OR4K17: variants seen among roughly 807,000 people sequenced by gnomAD.
OR4K17 encodes the protein olfactory receptor family 4 subfamily K member 17.
For missense variants in OR4K17, 480 were observed against 366.3 expected, an observed-to-expected ratio of 1.31 and a Z score of -2.53; for synonymous variants, 157 against 132.8, an observed-to-expected ratio of 1.18 and a Z score of -1.25.
intron 1 of OR4K17, among the ~76,000 whole-genome samples, chr14:20,113,769 T>C (rs1222657160): frequency 1.3e-5 from 2 of 151,986 alleles, no homozygotes; most frequent in African/African-American, 4.8e-5. Context: ...CTTTATACTT[T>C]GTGTTGCTCC....
chr14:20,113,402 G>C (rs937904570), intron 1 of OR4K17, among the ~76,000 whole-genome samples: 1 of 151,990 alleles, frequency 6.6e-6, no homozygotes, highest in Non-Finnish European at 1.5e-5. Context: ...TTAATTTGGT[G>C]TCATGAAGTC....
rs1169494657 is a variant in OR4K17, at chr14:20,121,496, A to G, written c.*3058A>G. On this transcript the variant is annotated 3_prime_UTR_variant, in exon 2 of 2. Transcript: ENST00000641386. Reference sequence around the variant, plus strand: ...AAAACATAAAATGTGTGGGGGAGGTAGAATAAAAGTGTAGACTTTTTAAAT... The same window carrying G: ...AAAACATAAAATGTGTGGGGGAGGTGGAATAAAAGTGTAGACTTTTTAAAT... The G allele has an allele frequency of 6.6e-6, 1 of 152,202 alleles. No homozygotes were observed. The highest frequency in any genetic ancestry group is 1.9e-4 in the East Asian group (1 of 5,200). 9.4% of individuals were successfully genotyped at this position (152,202 alleles called of 1,614,324 possible).
In OR4K17 at chr14:20,118,491, C is replaced by A. The variant is rs10140123; in HGVS notation, c.*53C>A. On this transcript the variant is annotated 3_prime_UTR_variant, in exon 2 of 2. Coordinates refer to ENST00000641386, the MANE Select transcript of OR4K17 (RefSeq NM_001004715.5). Reference sequence around the variant, plus strand: ...CATGGTGGCTGATGCCTGTAATCCCCACACTTTGGGAGGAATATCAGGGGA... The same window carrying A: ...CATGGTGGCTGATGCCTGTAATCCCAACACTTTGGGAGGAATATCAGGGGA... 0.43 allele frequency: 442,004 copies of A among 1,018,566 alleles called. 98,265 individuals carry two copies. Among genetic ancestry groups the A allele is most frequent in the East Asian group, 0.57 (23,241 of 40,632 alleles). The allele number at this position is 1,018,566 out of a possible 1,614,324, so 63.1% of individuals were successfully genotyped here.
At chr14:20,116,328 T>TCA (rs1208812734) in intron 1 of OR4K17, among the ~76,000 whole-genome samples, 111 of 152,088 alleles carry the variant, frequency 7.3e-4, no homozygotes, top group African/African-American at 2.6e-3. Context: ...ATAATCTGTC[T>TCA]CACACACACA....
In OR4K17 at chr14:20,121,556, G is replaced by A. The variant is rs1231716452; in HGVS notation, c.*3118G>A. The A allele has an allele frequency of 6.6e-6, 1 of 152,000 alleles. No homozygotes were observed. 9.4% of individuals were successfully genotyped at this position (152,000 alleles called of 1,614,324 possible). A position where few individuals can be genotyped will look rare whatever the true frequency, so the allele number is the denominator to read the frequency against. ...GTTAGGTATTTATTCACTTAAAATA[G>A]TCTATGATAACCATAAGATGTGTTA... On this transcript the variant is annotated 3_prime_UTR_variant, in exon 2 of 2. Coordinates refer to ENST00000641386, the MANE Select transcript of OR4K17 (RefSeq NM_001004715.5).
chr14:20,117,567 TAG>T lies in OR4K17; in HGVS notation c.71_72del (p.Glu24ValfsTer18), dbSNP rs1245026193. On this transcript the variant is annotated frameshift_variant, in exon 2 of 2. Coordinates refer to ENST00000641386, the MANE Select transcript of OR4K17 (RefSeq NM_001004715.5). LOFTEE classifies it low-confidence loss of function (END_TRUNC). ...CTGGGACTGACCAGCTCCCAGGATG[TAG>T]AGTTTCTTCTCTTTGCCCTCTTCTC... 1 of 1,614,026 alleles carries T rather than the reference TAG, an allele frequency of 6.2e-7. No homozygotes were observed. The highest frequency in any genetic ancestry group is 8.5e-7 in the Non-Finnish European group (1 of 1,179,990).
At chr14:20,113,734 T>C (rs1877929422) in intron 1 of OR4K17, among the ~76,000 whole-genome samples, 1 of 152,030 alleles carries the variant, frequency 6.6e-6, no homozygotes, top group African/African-American at 2.4e-5. Flanking sequence ...GGAGTGACTA[T>C]ATCATAATGG....
In OR4K17 at chr14:20,121,790, G is replaced by T. The variant is rs1338581497; in HGVS notation, c.*3352G>T. 1 of 152,034 alleles carries T rather than the reference G, an allele frequency of 6.6e-6. No homozygotes were observed. Among genetic ancestry groups the T allele is most frequent in the Non-Finnish European group, 1.5e-5 (1 of 67,968 alleles). 9.4% of individuals were successfully genotyped at this position (152,034 alleles called of 1,614,324 possible). A position where few individuals can be genotyped will look rare whatever the true frequency, so the allele number is the denominator to read the frequency against. On this transcript the variant is annotated 3_prime_UTR_variant, in exon 2 of 2. Transcript: ENST00000641386. ...AAAATGGAGGTACTAAGCACAGTCA[G>T]TTTTCTGGCATATCCATAGGTTTTA...
intron 1 of OR4K17, among the ~76,000 whole-genome samples, chr14:20,112,842 A>G (rs1230043081): frequency 1.3e-5 from 2 of 152,110 alleles, no homozygotes; most frequent in African/African-American, 4.8e-5. Context: ...CAGATAATAT[A>G]CAAATGTATG....
rs189914868 is a variant in OR4K17, at chr14:20,111,804, C to T, written c.-33+912C>T. 3.3e-5 allele frequency: 5 copies of T among 152,108 alleles called. No individual in the cohort carries two copies. The East Asian group carries it at 7.7e-4, about 24-fold the overall frequency. The allele number at this position is 152,108 out of a possible 1,614,324, so 9.4% of individuals were successfully genotyped here. On this transcript the variant is annotated intron_variant, in intron 1 of 1. Transcript: ENST00000641386. ...ACACCTGTTAAGAGCCCATATACAG[C>T]CAGAAATTAGAAGATTACTAGGATT...
rs1594196044 is a variant in OR4K17 at position 20,117,902 on chromosome 14, A to C, written c.403A>C (p.Ile135Leu). The C allele has an allele frequency of 6.2e-7, 1 of 1,614,072 alleles. No homozygotes were observed. Among genetic ancestry groups the C allele is most frequent in the East Asian group, 2.2e-5 (1 of 44,878 alleles). The change falls in exon 2 of 2, where the codon ATC (isoleucine) becomes CTC (leucine). Residue 135 changes from isoleucine (I) to leucine (L), a missense_variant. By Grantham distance (5) the Ile-to-Leu change is conservative (BLOSUM62 2). Coordinates refer to ENST00000641386, the MANE Select transcript of OR4K17 (RefSeq NM_001004715.5). ...TTGTAAGCCCCTACACTACATGACC[A>C]TCATGAACAAGAAGGTATGTGTTTT... ...AICKPLHYMT[I>L]MNKKVCVLLV...
chr14:20,119,856 G>T lies in OR4K17; in HGVS notation c.*1418G>T, dbSNP rs1430796505. 1 of 151,964 alleles carries T rather than the reference G, an allele frequency of 6.6e-6. No homozygotes were observed. Among genetic ancestry groups the T allele is most frequent in the African/African-American group, 2.4e-5 (1 of 41,370 alleles). 9.4% of individuals were successfully genotyped at this position (151,964 alleles called of 1,614,324 possible). Reference sequence around the variant, plus strand: ...CCATCTTAAAATAATAATAATAATAGTAGCAGAGAAACAATAATTTTTTAT... The same window carrying T: ...CCATCTTAAAATAATAATAATAATATTAGCAGAGAAACAATAATTTTTTAT... On this transcript the variant is annotated 3_prime_UTR_variant, in exon 2 of 2. Coordinates refer to ENST00000641386, the MANE Select transcript of OR4K17 (RefSeq NM_001004715.5).
In OR4K17 at chr14:20,117,292, G is replaced by A. The variant is rs1295020445; in HGVS notation, c.-32-176G>A. The A allele has an allele frequency of 8.6e-6, 6 of 696,820 alleles. No individual in the cohort carries two copies. The African/African-American group carries it at 1.1e-4, about 13-fold the overall frequency. 43.2% of individuals were successfully genotyped at this position (696,820 alleles called of 1,614,324 possible). On this transcript the variant is annotated intron_variant, in intron 1 of 1. Coordinates refer to ENST00000641386, the MANE Select transcript of OR4K17 (RefSeq NM_001004715.5). Reference sequence around the variant, plus strand: ...ATCAATAGGTCATTGCTCTTTTATGGAAGTGGACAGCTCAGACTATACGTC... The same window carrying A: ...ATCAATAGGTCATTGCTCTTTTATGAAAGTGGACAGCTCAGACTATACGTC...
Position 20,118,195 on chromosome 14 carries a change from G to A in OR4K17, c.696G>A (p.Gly232=), listed in dbSNP as rs781107878. The change falls in exon 2 of 2, where the codon GGG becomes GGA. Residue 232 remains glycine (G), a synonymous_variant. Coordinates refer to ENST00000641386, the MANE Select transcript of OR4K17 (RefSeq NM_001004715.5). ...LITIKNHSPT[G]QSKARSTLTA... ...CCATTAAGAACCACTCTCCTACTGG[G>A]CAATCTAAAGCCCGTTCCACTTTGA... 1 of 1,614,002 alleles carries A rather than the reference G, an allele frequency of 6.2e-7. No homozygotes were observed. The highest frequency in any genetic ancestry group is 8.5e-7 in the Non-Finnish European group (1 of 1,179,900).
intron 1 of OR4K17, among the ~76,000 whole-genome samples, chr14:20,111,261 A>G (rs1410373512): frequency 6.6e-6 from 1 of 151,818 alleles, no homozygotes; most frequent in Non-Finnish European, 1.5e-5. Flanking sequence ...GGAAGACAGA[A>G]GTATATATAA....
intron 1 of OR4K17, among the ~76,000 whole-genome samples, chr14:20,117,137 G>A (rs770792132): frequency 2.0e-5 from 3 of 152,112 alleles, no homozygotes; most frequent in Non-Finnish European, 4.4e-5. Flanking sequence ...GTTCTCCAAG[G>A]AATTCAGACT....
At chr14:20,113,739 T>C (rs562451358) in intron 1 of OR4K17, among the ~76,000 whole-genome samples, 2 of 152,126 alleles carry the variant, frequency 1.3e-5, no homozygotes, top group East Asian at 1.9e-4. Context: ...GACTATATCA[T>C]AATGGCCTTC....
In OR4K17 at chr14:20,118,579, G is replaced by C. The variant is rs780740745; in HGVS notation, c.*141G>C. ...TTTCCCTAAGTGTTGACTGGTCTGA[G>C]AAATAAAGGGAAAGAATACAAAAGA... On this transcript the variant is annotated 3_prime_UTR_variant, in exon 2 of 2. Coordinates refer to ENST00000641386, the MANE Select transcript of OR4K17 (RefSeq NM_001004715.5). 1.8e-6 allele frequency: 1 copy of C among 564,738 alleles called. No homozygotes were observed. The highest frequency in any genetic ancestry group is 3.1e-6 in the Non-Finnish European group (1 of 325,650). 35.0% of individuals were successfully genotyped at this position (564,738 alleles called of 1,614,324 possible). A position where few individuals can be genotyped will look rare whatever the true frequency, so the allele number is the denominator to read the frequency against.
intron 1 of OR4K17, 51 bp from the exon 2 acceptor site, chr14:20,117,417 A>G: frequency 6.3e-7 from 1 of 1,582,220 alleles, no homozygotes; most frequent in South Asian, 1.2e-5. Flanking sequence ...ATGGCTCTTT[A>G]TTTTTCACTC....
Sources: gnomAD v4.1 joint callset for allele counts (sites outside exome capture counted in the v4.1 genomes callset) on GRCh38, gnomAD v4.1.1 for gene constraint, MANE v1.5 for transcripts, NCBI Gene and HGNC (gene_info 2026-07-23, HGNC 2026-07-21) for gene names.